MAP3K14: variants seen among roughly 807,000 people sequenced by gnomAD.
MAP3K14 encodes the protein mitogen-activated protein kinase kinase kinase 14, also known as NF-kappa-beta-inducing kinase.
A neutral mutation model predicts 99.2 loss-of-function variants in MAP3K14; 16 were observed. That is an observed-to-expected ratio of 0.16 (90% CI 0.11 to 0.24). The LOEUF is 0.24. Ranked by LOEUF, MAP3K14 falls within the 10% of genes least tolerant of loss-of-function variation. The probability of loss-of-function intolerance (pLI) is 1.00; values close to 1 mark genes in which losing one functional copy is unlikely to be tolerated. For synonymous variants in MAP3K14, 462 were observed against 492.4 expected, an observed-to-expected ratio of 0.94 and a Z score of 0.82; for missense variants, 784 against 1,208.7, an observed-to-expected ratio of 0.65 and a Z score of 5.21.
chr17:45,281,707 T>C (rs1337406795), intron 6 of MAP3K14: 3 of 140,292 alleles, frequency 2.1e-5, no homozygotes, highest in South Asian at 4.7e-4. Context: ...TGCTGTGGCG[T>C]GATCTTGGCT....
chr17:45,276,863 C>G (rs1450460216), intron 6 of MAP3K14, among the ~76,000 whole-genome samples: 6 of 101,102 alleles, frequency 5.9e-5, no homozygotes, highest in South Asian at 3.4e-4. Context: ...GAGTCTCGCT[C>G]TGTCACCAGG....
chr17:45,315,444 T>A (rs1042269003), intron 1 of MAP3K14, among the ~76,000 whole-genome samples: 1 of 152,152 alleles, frequency 6.6e-6, no homozygotes, highest in Admixed American at 6.6e-5. Flanking sequence ...TATTTTGAGA[T>A]CTTCTGAGAA....
intron 14 of MAP3K14, 42 bp downstream of exon 14, chr17:45,266,495 G>A: frequency 1.3e-5 from 21 of 1,571,302 alleles, no homozygotes; most frequent in East Asian, 2.3e-5. Flanking sequence ...AGGCAGATCA[G>A]CTGCCACGGG....
At chr17:45,300,597 T>C (rs1016171272) in intron 1 of MAP3K14, among the ~76,000 whole-genome samples, 4 of 152,138 alleles carry the variant, frequency 2.6e-5, no homozygotes, top group African/African-American at 7.2e-5. Flanking sequence ...AAGGCAAGGC[T>C]CAGCCTCTAC....
chr17:45,286,578 TTCC>T lies in MAP3K14; in HGVS notation c.1002_1004del (p.Glu335del). ...TGCCTTGCAGAGCATGCACTAGGTA[TTCC>T]TCCACAGAAAACTTCTCATGGGCAC... On this transcript the variant is annotated inframe_deletion, in exon 5 of 16. Transcript: ENST00000344686. The surrounding 1 kb of genome is among the most constrained non-coding windows in gnomAD (Gnocchi z 4.1). 1 of 1,611,394 alleles carries T rather than the reference TTCC, an allele frequency of 6.2e-7. No homozygotes were observed. The highest frequency in any genetic ancestry group is 8.5e-7 in the Non-Finnish European group (1 of 1,178,978).
At chr17:45,303,418 G>A (rs1225801198) in intron 1 of MAP3K14, among the ~76,000 whole-genome samples, 1 of 152,050 alleles carries the variant, frequency 6.6e-6, no homozygotes, top group African/African-American at 2.4e-5. Context: ...AAAATTAGCT[G>A]GGTGTGGTGG....
At chr17:45,310,018 G>A (rs983443921) in intron 1 of MAP3K14, among the ~76,000 whole-genome samples, 7 of 150,526 alleles carry the variant, frequency 4.7e-5, no homozygotes, top group African/African-American at 1.7e-4. Flanking sequence ...CTTGGCCAAA[G>A]GAGTCCATCT....
chr17:45,268,478 C>G (rs2044115496), intron 11 of MAP3K14: 1 of 152,038 alleles, frequency 6.6e-6, no homozygotes, highest in Non-Finnish European at 1.5e-5. Context: ...GACTCCAACT[C>G]CTGGGCTCAA....
rs915384137 is a variant in MAP3K14, at chr17:45,267,270, GCA to G, written c.2327-74_2327-73del. 1 of 1,376,564 alleles carries G rather than the reference GCA, an allele frequency of 7.3e-7. No homozygotes were observed. The highest frequency in any genetic ancestry group is 1.2e-5 in the South Asian group (1 of 80,584). 85.3% of individuals were successfully genotyped at this position (1,376,564 alleles called of 1,614,324 possible). A position where few individuals can be genotyped will look rare whatever the true frequency, so the allele number is the denominator to read the frequency against. On this transcript the variant is annotated intron_variant, in intron 12 of 15. Transcript: ENST00000344686. The surrounding 1 kb of genome is among the most constrained non-coding windows in gnomAD (Gnocchi z 5.1). ...GGCTGTGTTTTCAGGGGTTCTTCCT[GCA>G]CAGTCGGTAGAAGCTGAGCTGCTGG... is the stretch of plus-strand genomic sequence containing the variant.
At chr17:45,294,470 C>T (rs2044333655) in intron 1 of MAP3K14, among the ~76,000 whole-genome samples, 1 of 152,122 alleles carries the variant, frequency 6.6e-6, no homozygotes, top group Non-Finnish European at 1.5e-5. Context: ...TGCATTTTTC[C>T]AGGGAAGACT....
rs539382302 is a variant in MAP3K14 at position 45,286,722 on chromosome 17, C to A, written c.861G>T (p.Leu287=). ...AGGGTTTCTGGCTGTCTACACAGGC[C>A]AGTTTGCCCAGGAAGGACTCCAGAG... The part of the protein sequence containing the change: ...PHPLESFLGK[L]ACVDSQKPLP... Residue 287 remains leucine, a synonymous_variant, in exon 5 of 16, where the codon CTG becomes CTT. Transcript: ENST00000344686. This position sits in a 1 kb window ranked among gnomAD's most constrained non-coding sequence, Gnocchi z 4.1. 6 of 1,610,050 alleles carry A rather than the reference C, an allele frequency of 3.7e-6. No individual in the cohort carries two copies. The Admixed American group carries it at 1.0e-4, about 27-fold the overall frequency.
At chr17:45,291,017 C>T (rs2044306158) in intron 1 of MAP3K14, 1 of 414,020 alleles carries the variant, frequency 2.4e-6, no homozygotes, top group Admixed American at 3.6e-5. Context: ...TTCACTGTGT[C>T]CAGCAAGGAT....
At position 45,286,919 on chromosome 17, in the gene MAP3K14, G is replaced by A; in HGVS notation, c.664C>T (p.Pro222Ser). Residue 222 changes from proline (P) to serine (S), a missense_variant, in exon 5 of 16, where the codon CCT becomes TCT. This residue lies in a region of MAP3K14 where 188 missense variants were observed against 313.0 expected (regional missense o/e 0.60). Transcript: ENST00000344686. This position sits in a 1 kb window ranked among gnomAD's most constrained non-coding sequence, Gnocchi z 4.1. The stretch of plus-strand genomic sequence containing the variant: ...ATCAGTTTGTGGAGTTCTGATCGAG[G>A]CAGAGCCGGCCGTAGGCCCTCGCCA... Reference protein sequence around the residue: ...QLGEGLRPALPRSELHKLISP... With the variant: ...QLGEGLRPALSRSELHKLISP... 6.2e-7 allele frequency: 1 copy of A among 1,614,056 alleles called. No homozygotes were observed. Among genetic ancestry groups the A allele is most frequent in the Non-Finnish European group, 8.5e-7 (1 of 1,179,904 alleles).
At chr17:45,295,842 C>T (rs1019746828) in intron 1 of MAP3K14, among the ~76,000 whole-genome samples, 11 of 152,172 alleles carry the variant, frequency 7.2e-5, no homozygotes, top group African/African-American at 2.4e-4. Flanking sequence ...ATTCCCTTGT[C>T]TGTCACCAGG....
chr17:45,301,382 G>C (rs374549591), intron 1 of MAP3K14, among the ~76,000 whole-genome samples: 1 of 152,006 alleles, frequency 6.6e-6, no homozygotes, highest in Non-Finnish European at 1.5e-5. Context: ...AGAATCGCTT[G>C]AACCTGGGAG....
intron 1 of MAP3K14, among the ~76,000 whole-genome samples, chr17:45,300,939 G>A (rs1333407658): frequency 2.0e-5 from 3 of 152,174 alleles, no homozygotes; most frequent in South Asian, 2.1e-4. Context: ...GGCCAAGGCA[G>A]GAGGATTGCT....
At chr17:45,310,027 CTT>C (rs59117060) in intron 1 of MAP3K14, among the ~76,000 whole-genome samples, 25 of 98,844 alleles carry the variant, frequency 2.5e-4, no homozygotes, top group African/African-American at 6.8e-4. Context: ...AGGAGTCCAT[CTT>C]TTTTTTTTTT....
chr17:45,271,968 T>C (rs2044145866), intron 9 of MAP3K14, among the ~76,000 whole-genome samples: 1 of 152,132 alleles, frequency 6.6e-6, no homozygotes, highest in Admixed American at 6.5e-5. Flanking sequence ...ATGTGAACAG[T>C]GGTTTTTTTC....
intron 1 of MAP3K14, among the ~76,000 whole-genome samples, chr17:45,315,524 G>A (rs1044979594): frequency 2.0e-5 from 3 of 152,250 alleles, no homozygotes; most frequent in Admixed American, 6.5e-5. Context: ...GTCTGGCATC[G>A]CTCCAAAGAA....
Sources: gnomAD v4.1 joint callset for allele counts (sites outside exome capture counted in the v4.1 genomes callset) on GRCh38, gnomAD v4.1.1 for gene constraint, gnomAD v4.1.1 regional missense constraint, Gnocchi (gnomAD v3.1) non-coding constraint, MANE v1.5 for transcripts, NCBI Gene and HGNC (gene_info 2026-07-23, HGNC 2026-07-21) for gene names.